Variants in SPART observed in about 807,000 individuals in gnomAD.
The protein encoded by SPART is spastic paraplegia 20 (Troyer syndrome).
Under a neutral mutation model 58.7 loss-of-function variants are expected in SPART, and 35 were observed. The observed-to-expected ratio is 0.60, with a 90% CI of 0.46 to 0.79. SPART has a LOEUF of 0.79. Among genes scored for constraint, SPART ranks in the 30% least tolerant of loss-of-function variants. The pLI, the probability that SPART is intolerant of heterozygous loss-of-function variation, is 0.00. For missense variants in SPART, 730 were observed against 786.1 expected (o/e 0.93, Z 0.85); for synonymous variants, 284 against 280.7 (o/e 1.01, Z -0.12).
chr13:36,318,201 C>T (rs756608231), intron 5 of SPART, among the ~76,000 whole-genome samples: 1 of 152,200 alleles, frequency 6.6e-6, no homozygotes, highest in South Asian at 2.1e-4. Flanking sequence ...ATCACCTCCC[C>T]TCCTCACACC....
intron 5 of SPART, among the ~76,000 whole-genome samples, chr13:36,319,154 C>T (rs1399138599): frequency 3.3e-5 from 5 of 150,868 alleles, no homozygotes; most frequent in African/African-American, 1.2e-4. Context: ...TTAGACAATA[C>T]TCTTTTAAGC....
At chr13:36,325,141 C>A (rs1882799770) in intron 5 of SPART, among the ~76,000 whole-genome samples, 1 of 152,090 alleles carries the variant, frequency 6.6e-6, no homozygotes, top group African/African-American at 2.4e-5. Flanking sequence ...AGTATAAATT[C>A]CAAAAACTTG....
At chr13:36,342,396 T>C (rs1884665651) in intron 1 of SPART, among the ~76,000 whole-genome samples, 1 of 152,190 alleles carries the variant, frequency 6.6e-6, no homozygotes, top group Non-Finnish European at 1.5e-5. Flanking sequence ...ACAGAGATCA[T>C]ACATGGCCCC....
At chr13:36,331,863 C>A (rs1434205341) in intron 2 of SPART, among the ~76,000 whole-genome samples, 2 of 152,024 alleles carry the variant, frequency 1.3e-5, no homozygotes, top group Non-Finnish European at 2.9e-5. Flanking sequence ...CTTAACTAGC[C>A]TAGTGTTAAC....
At position 36,331,491 on chromosome 13, in the gene SPART, A is replaced by G; in HGVS notation, c.916T>C (p.Phe306Leu). 6.2e-7 allele frequency: 1 copy of G among 1,614,092 alleles called. No homozygotes were observed. The highest frequency in any genetic ancestry group is 1.1e-5 in the South Asian group (1 of 91,082). Residue 306 changes from phenylalanine (F) to leucine (L), a missense_variant, in exon 3 of 9, where the codon TTT becomes CTT. Phe to Leu is a conservative substitution (Grantham distance 22). Transcript: ENST00000438666. ...TCAGAGGACAGGACGACCCCCACAA[A>G]GCATCCTGCTGCTTGTAGCATTGTA... ...PDTMLQAAGCFVGVVLSSELP... is the reference protein window; with the variant it reads ...PDTMLQAAGCLVGVVLSSELP...
chr13:36,331,287 C>T, intron 3 of SPART, 112 bp downstream of exon 3: 1 of 922,232 alleles, frequency 1.1e-6, no homozygotes, highest in Non-Finnish European at 1.8e-6. Context: ...AAATGGTGAA[C>T]TGTCAGTCTC....
chr13:36,365,055 T>C (rs934389803), intron 1 of SPART, among the ~76,000 whole-genome samples: 2 of 152,192 alleles, frequency 1.3e-5, no homozygotes, highest in African/African-American at 4.8e-5. Flanking sequence ...GGTTGCATGA[T>C]GCTGAACTGC....
At chr13:36,322,660 G>A (rs1272343046) in intron 5 of SPART, among the ~76,000 whole-genome samples, 2 of 152,042 alleles carry the variant, frequency 1.3e-5, no homozygotes, top group African/African-American at 4.8e-5. Context: ...TAAGAGAGGG[G>A]GAAAATTGGC....
chr13:36,368,194 C>T (rs1886141748), intron 1 of SPART: 2 of 463,944 alleles, frequency 4.3e-6, no homozygotes, highest in Admixed American at 2.4e-5. Context: ...TTTCTCCCTT[C>T]CAGCATGTTA....
chr13:36,308,120 G>A (rs1880703401), intron 8 of SPART, among the ~76,000 whole-genome samples: 1 of 152,044 alleles, frequency 6.6e-6, no homozygotes, highest in Admixed American at 6.5e-5. Context: ...AAACCTAAGT[G>A]TATGTAAACA....
At chr13:36,369,709 CTCTT>C (rs1886199455) in intron 1 of SPART, 2 of 152,230 alleles carry the variant, frequency 1.3e-5, no homozygotes, top group South Asian at 4.1e-4. Context: ...CAGGAGCTCT[CTCTT>C]TCATCTGCTT....
At chr13:36,364,881 G>A (rs1275933404) in intron 1 of SPART, among the ~76,000 whole-genome samples, 1 of 152,128 alleles carries the variant, frequency 6.6e-6, no homozygotes, top group East Asian at 1.9e-4. Context: ...CCTCTCTGCT[G>A]TCAATCAGCC....
At position 36,312,226 on chromosome 13, in the gene SPART, G is replaced by A. The variant is rs772034308; in HGVS notation, c.1652C>T (p.Thr551Ile). The A allele has an allele frequency of 1.4e-5, 23 of 1,614,004 alleles. No individual in the cohort carries two copies. The highest frequency in any genetic ancestry group is 1.9e-5 in the Non-Finnish European group (22 of 1,180,006). Reference sequence around the variant, plus strand: ...TGCACATTCCAATCCTTGCCAGACAGTTGAAAATCCTGTAAAAATAATATT... The same window carrying A: ...TGCACATTCCAATCCTTGCCAGACAATTGAAAATCCTGTAAAAATAATATT... ...VAASSVQGFS[T>I]VWQGLECAAK... Residue 551 changes from threonine (T) to isoleucine (I), a missense_variant, in exon 8 of 9, where the codon ACT becomes ATT. Thr to Ile is a moderately conservative substitution (Grantham distance 89). Coordinates refer to ENST00000438666, the MANE Select transcript of SPART (RefSeq NM_015087.5).
At chr13:36,367,078 T>G (rs1566152473) in intron 1 of SPART, among the ~76,000 whole-genome samples, 1 of 152,174 alleles carries the variant, frequency 6.6e-6, no homozygotes, top group Non-Finnish European at 1.5e-5. Context: ...CAGCAGTTAG[T>G]GTGGCATCTC....
At position 36,322,747 on chromosome 13, in the gene SPART, A is replaced by G. The variant is rs535047994; in HGVS notation, c.1288+3828T>C. Among the ~76,000 whole-genome samples the G allele has an allele frequency of 2.2e-4, 34 of 152,282 alleles. No homozygotes were observed. The South Asian group carries it at 7.0e-3, about 32-fold the overall frequency. On this transcript the variant is annotated intron_variant, in intron 5 of 8. Coordinates refer to ENST00000438666, the MANE Select transcript of SPART (RefSeq NM_015087.5). Reference sequence around the variant, plus strand: ...TATCTTATGTTTGACGTAGTCCTCTAAAAACCTAGAAATGATTTGTCTTAG... The same window carrying G: ...TATCTTATGTTTGACGTAGTCCTCTGAAAACCTAGAAATGATTTGTCTTAG...
intron 5 of SPART, among the ~76,000 whole-genome samples, chr13:36,316,034 C>T (rs541196622): frequency 4.0e-4 from 61 of 152,318 alleles, no homozygotes; most frequent in Non-Finnish European, 8.1e-4. Flanking sequence ...TGCAATATTT[C>T]ATCGGTAGCT....
Position 36,326,708 on chromosome 13 carries a change from A to G in SPART, c.1165-10T>C. 1 of 1,612,268 alleles carries G rather than the reference A, an allele frequency of 6.2e-7. No individual in the cohort carries two copies. Among genetic ancestry groups the G allele is most frequent in the African/African-American group, 1.3e-5 (1 of 74,954 alleles). ...TTGAAGTATCTTTAGCCTAAACAGT[A>G]AAAATGTTTCAAAATGTGAAGAGTT... On this transcript the variant is annotated splice_polypyrimidine_tract_variant and intron_variant, in intron 4 of 8. Coordinates refer to ENST00000438666, the MANE Select transcript of SPART (RefSeq NM_015087.5).
intron 8 of SPART, among the ~76,000 whole-genome samples, chr13:36,305,625 G>T (rs1240030448): frequency 6.6e-6 from 1 of 152,036 alleles, no homozygotes; most frequent in Non-Finnish European, 1.5e-5. Context: ...ATATACAAAA[G>T]AAGTTATTAT....
intron 1 of SPART, among the ~76,000 whole-genome samples, chr13:36,339,621 C>T (rs1220607779): frequency 1.4e-5 from 1 of 71,092 alleles, no homozygotes; most frequent in Non-Finnish European, 2.5e-5. Flanking sequence ...CAGAGCACGA[C>T]TCCATCAAAA....
Sources: gnomAD v4.1 joint callset for allele counts (sites outside exome capture counted in the v4.1 genomes callset) on GRCh38, gnomAD v4.1.1 for gene constraint, MANE v1.5 for transcripts, NCBI Gene and HGNC (gene_info 2026-07-23, HGNC 2026-07-21) for gene names.